Variants in SGCG observed in about 807,000 individuals in gnomAD.
SGCG encodes the protein sarcoglycan gamma.
A neutral mutation model predicts 29.3 loss-of-function variants in SGCG; 26 were observed. The observed-to-expected ratio is 0.89, with a 90% CI of 0.65 to 1.23. SGCG has a LOEUF of 1.23. Ranked by LOEUF, SGCG falls within the 50% of genes most tolerant of loss-of-function variation. The pLI is 0.00. For synonymous variants in SGCG, 145 were observed against 129.7 expected (o/e 1.12, Z -0.80); for missense variants, 353 against 356.0 (o/e 0.99, Z 0.07).
intron 3 of SGCG, among the ~76,000 whole-genome samples, chr13:23,239,711 G>A (rs1359978): frequency 0.67 from 101,722 of 152,042 alleles, 34,414 homozygotes; most frequent in East Asian, 0.91. Context: ...AAAAGATAGA[G>A]GTACTGCTAT....
At chr13:23,220,895 T>C (rs1355341148) in intron 2 of SGCG, among the ~76,000 whole-genome samples, 1 of 152,206 alleles carries the variant, frequency 6.6e-6, no homozygotes, top group Non-Finnish European at 1.5e-5. Flanking sequence ...ATAGAAAATA[T>C]GCTTTAACCT....
intron 3 of SGCG, among the ~76,000 whole-genome samples, chr13:23,239,813 A>T (rs1047356668): frequency 1.3e-5 from 2 of 152,160 alleles, no homozygotes; most frequent in African/African-American, 4.8e-5. Flanking sequence ...TAAACTCGTA[A>T]AACAGAAAGT....
chr13:23,235,189 G>A (rs770230363), intron 3 of SGCG, among the ~76,000 whole-genome samples: 3 of 152,004 alleles, frequency 2.0e-5, no homozygotes, highest in Non-Finnish European at 4.4e-5. Context: ...GATAAACCCC[G>A]TCTCTACTAA....
intron 6 of SGCG, among the ~76,000 whole-genome samples, chr13:23,308,879 T>C (rs190640336): frequency 1.3e-4 from 20 of 152,314 alleles, no homozygotes; most frequent in Non-Finnish European, 2.4e-4. Context: ...TTCATGTAAA[T>C]TTTAAAATCA....
chr13:23,265,814 G>T (rs555718582), intron 4 of SGCG, among the ~76,000 whole-genome samples: 1 of 152,132 alleles, frequency 6.6e-6, no homozygotes, highest in South Asian at 2.1e-4. Flanking sequence ...CTTAGACACT[G>T]CTGATGGGAA....
chr13:23,190,208 G>C (rs1299871271), intron 1 of SGCG, among the ~76,000 whole-genome samples: 1 of 151,974 alleles, frequency 6.6e-6, no homozygotes, highest in East Asian at 1.9e-4. Flanking sequence ...TTAGTAAATT[G>C]GTATTTGAGA....
At chr13:23,164,782 T>A in the SGCG span, among the ~76,000 whole-genome samples, 1 of 152,152 alleles carries the variant, frequency 6.6e-6, no homozygotes, top group African/African-American at 2.4e-5. Context: ...TCCTCCGGCC[T>A]CCTGCCAGCC....
chr13:23,191,887 A>G (rs1053835020), intron 1 of SGCG, among the ~76,000 whole-genome samples: 8 of 152,186 alleles, frequency 5.3e-5, no homozygotes, highest in Non-Finnish European at 1.0e-4. Flanking sequence ...ACTGAGATGT[A>G]AAAAGAGGGA....
chr13:23,204,474 C>G (rs1238702329), intron 2 of SGCG, among the ~76,000 whole-genome samples: 1 of 152,068 alleles, frequency 6.6e-6, no homozygotes, highest in Non-Finnish European at 1.5e-5. Context: ...TGTAGAATGT[C>G]TTAATTTTAC....
intron 3 of SGCG, chr13:23,243,659 T>G (rs1276270738): frequency 1.3e-5 from 2 of 152,180 alleles, no homozygotes; most frequent in Non-Finnish European, 2.9e-5. Context: ...TCCAGGAGAA[T>G]GGTGGAGAGA....
At chr13:23,255,060 G>A (rs1175379446) in intron 4 of SGCG, among the ~76,000 whole-genome samples, 1 of 152,332 alleles carries the variant, frequency 6.6e-6, no homozygotes, top group South Asian at 2.1e-4. Context: ...GGGGGTGAAA[G>A]CCCCAAAGTC....
chr13:23,309,892 T>C (rs911943330), intron 6 of SGCG, among the ~76,000 whole-genome samples: 1 of 152,140 alleles, frequency 6.6e-6, no homozygotes, highest in East Asian at 1.9e-4. Context: ...GTTTCCTTGC[T>C]AGAAATTTTT....
chr13:23,320,344 G>A (rs2137527285), intron 6 of SGCG, among the ~76,000 whole-genome samples: 1 of 152,320 alleles, frequency 6.6e-6, no homozygotes, highest in South Asian at 2.1e-4. Flanking sequence ...GTATGCCAGA[G>A]TACTTAACTA....
rs1262459682 is a variant in SGCG at position 23,250,673 on chromosome 13, A to AT, written c.342dup (p.Ala115CysfsTer41). 4.3e-6 allele frequency: 7 copies of AT among 1,613,272 alleles called. No individual in the cohort carries two copies. The highest frequency in any genetic ancestry group is 4.2e-6 in the Non-Finnish European group (5 of 1,179,358). On this transcript the variant is annotated frameshift_variant, in exon 4 of 8. Coordinates refer to ENST00000218867, the MANE Select transcript of SGCG (RefSeq NM_000231.3). LOFTEE classifies it high-confidence loss of function. ...CAATCAACCCAGAATGTGACTGTAA[A>AT]TGCGCGCAACTCAGAAGGGGAGGTC...
chr13:23,251,734 T>C (rs114002595), intron 4 of SGCG, among the ~76,000 whole-genome samples: 1,690 of 152,066 alleles, frequency 0.011, 32 homozygotes, highest in African/African-American at 0.038. Flanking sequence ...GACCCTTTGT[T>C]TGAAAAAAAG....
At chr13:23,210,622 C>T (rs1415685418) in intron 2 of SGCG, among the ~76,000 whole-genome samples, 3 of 152,010 alleles carry the variant, frequency 2.0e-5, no homozygotes, top group Non-Finnish European at 2.9e-5. Context: ...ACCCGGGAGG[C>T]GGAGCTTGCA....
At chr13:23,196,324 A>G (rs1360081107) in intron 1 of SGCG, among the ~76,000 whole-genome samples, 2 of 152,026 alleles carry the variant, frequency 1.3e-5, no homozygotes, top group African/African-American at 2.4e-5. Flanking sequence ...CTAGAATTGG[A>G]ATTACTATTG....
intron 4 of SGCG, among the ~76,000 whole-genome samples, chr13:23,262,466 A>G (rs1456393191): frequency 1.3e-5 from 2 of 152,006 alleles, no homozygotes; most frequent in Admixed American, 1.3e-4. Context: ...AACAATCCTC[A>G]ATATATACGT....
intron 2 of SGCG, among the ~76,000 whole-genome samples, chr13:23,214,313 T>C (rs538309558): frequency 9.2e-5 from 14 of 152,226 alleles, no homozygotes; most frequent in Non-Finnish European, 1.6e-4. Flanking sequence ...TCTCCCAGAC[T>C]GCAGCACCCA....
Sources: allele counts gnomAD v4.1 joint callset (sites outside exome capture counted in the v4.1 genomes callset), GRCh38; gene constraint gnomAD v4.1.1; transcripts MANE v1.5; gene names NCBI Gene and HGNC (gene_info 2026-07-23, HGNC 2026-07-21).